Variants in TFDP2 observed in about 807,000 individuals in gnomAD.
The protein encoded by TFDP2 is transcription factor Dp-2 (E2F dimerization partner 2).
TFDP2 carries 17 observed loss-of-function variants against 59.3 expected under a neutral mutation model. The ratio of observed to expected loss-of-function variants is 0.29; its 90% CI spans 0.20 to 0.43. The LOEUF is 0.43. Among genes scored for constraint, TFDP2 ranks in the 20% least tolerant of loss-of-function variants. The pLI is 1.00. For missense variants in TFDP2, 391 were observed against 528.8 expected (o/e 0.74, Z 2.56); for synonymous variants, 180 against 194.7 (o/e 0.92, Z 0.63).
chr3:141,977,268 A>T (rs1038043275), intron 7 of TFDP2, among the ~76,000 whole-genome samples: 13 of 143,958 alleles, frequency 9.0e-5, no homozygotes, highest in African/African-American at 2.9e-4. Context: ...TCGCTAATTT[A>T]AAAAAAAAAA....
intron 3 of TFDP2, among the ~76,000 whole-genome samples, chr3:142,071,120 A>C (rs538675374): frequency 6.6e-6 from 1 of 152,274 alleles, no homozygotes; most frequent in East Asian, 1.9e-4. Flanking sequence ...GGTGTCTGGG[A>C]TAAGAGTACA....
chr3:142,106,278 G>A (rs1576997228), intron 1 of TFDP2, among the ~76,000 whole-genome samples: 1 of 152,078 alleles, frequency 6.6e-6, no homozygotes, highest in Admixed American at 6.6e-5. Context: ...ACGTTCAAAT[G>A]TAATTTTAAA....
Position 142,087,649 on chromosome 3 carries a change from C to T in TFDP2, c.82+5412G>A, listed in dbSNP as rs144296861. Reference sequence around the variant, plus strand: ...CAGAGAAGCTGGGACTACAGGTACACGCCACCATACCAGCTAATTTTTTTG... The same window carrying T: ...CAGAGAAGCTGGGACTACAGGTACATGCCACCATACCAGCTAATTTTTTTG... On this transcript the variant is annotated intron_variant, in intron 3 of 12. Coordinates refer to ENST00000489671, the MANE Select transcript of TFDP2 (RefSeq NM_001178139.2). Among the ~76,000 whole-genome samples the T allele has an allele frequency of 2.6e-3, 401 of 152,018 alleles. 2 individuals are homozygous for T. Among genetic ancestry groups the T allele is most frequent in the African/African-American group, 9.4e-3 (388 of 41,496 alleles).
intron 1 of TFDP2, among the ~76,000 whole-genome samples, chr3:142,105,878 TAAGA>T (rs895500597): frequency 2.6e-5 from 4 of 152,154 alleles, no homozygotes; most frequent in Middle Eastern, 3.2e-3. Context: ...TCTAAAATAG[TAAGA>T]GTCAGCCACT....
At chr3:142,117,839 G>A (rs549430202) in intron 1 of TFDP2, among the ~76,000 whole-genome samples, 2 of 152,324 alleles carry the variant, frequency 1.3e-5, no homozygotes, top group South Asian at 4.1e-4. Flanking sequence ...GCTCACGCCT[G>A]TAATCCCAGC....
At chr3:142,020,534 C>CG (rs1251706561) in intron 3 of TFDP2, among the ~76,000 whole-genome samples, 19 of 150,220 alleles carry the variant, frequency 1.3e-4, no homozygotes, top group East Asian at 1.9e-4. Flanking sequence ...GACTCCGTCT[C>CG]GGGGGGGAAA....
intron 3 of TFDP2, among the ~76,000 whole-genome samples, chr3:142,069,396 T>A (rs1206259042): frequency 1.3e-5 from 2 of 152,228 alleles, no homozygotes; most frequent in African/African-American, 4.8e-5. Flanking sequence ...ACTGTAAAGA[T>A]TAACTTTTAT....
intron 1 of TFDP2, among the ~76,000 whole-genome samples, chr3:142,135,551 C>T (rs2062694229): frequency 6.6e-6 from 1 of 151,976 alleles, no homozygotes; most frequent in African/African-American, 2.4e-5. Context: ...GCTATCCCTC[C>T]CCCAGCCTCC....
intron 3 of TFDP2, among the ~76,000 whole-genome samples, chr3:142,049,374 C>T (rs191273024): frequency 6.6e-6 from 1 of 152,158 alleles, no homozygotes; most frequent in Non-Finnish European, 1.5e-5. Context: ...ACTACACTAT[C>T]ATCTTCAATA....
chr3:142,015,455 CT>C (rs1945057562), intron 3 of TFDP2, among the ~76,000 whole-genome samples: 1 of 152,200 alleles, frequency 6.6e-6, no homozygotes, highest in Non-Finnish European at 1.5e-5. Context: ...AAACTCTATT[CT>C]TCAACTGCTC....
chr3:142,048,361 C>T (rs1406676283), intron 3 of TFDP2, among the ~76,000 whole-genome samples: 3 of 150,088 alleles, frequency 2.0e-5, no homozygotes, highest in African/African-American at 4.9e-5. Flanking sequence ...TGCAGTGAGC[C>T]GAATTTATAC....
chr3:142,116,153 C>T (rs1432585384), intron 1 of TFDP2, among the ~76,000 whole-genome samples: 1 of 151,766 alleles, frequency 6.6e-6, no homozygotes, highest in Admixed American at 6.6e-5. Flanking sequence ...CAACTTCAAA[C>T]TCCTGGGCTC....
chr3:141,959,549 G>C (rs1163765647), intron 11 of TFDP2, 125 bp downstream of exon 11: 11 of 1,007,140 alleles, frequency 1.1e-5, no homozygotes, highest in Non-Finnish European at 1.5e-5. Context: ...AAGTGTTAAA[G>C]GTTTCAGTTT....
At chr3:142,081,592 T>G (rs549954969) in intron 3 of TFDP2, among the ~76,000 whole-genome samples, 1 of 151,696 alleles carries the variant, frequency 6.6e-6, no homozygotes, top group Non-Finnish European at 1.5e-5. Context: ...TTAGTCAGAC[T>G]AAGAAAAAAA....
At chr3:141,977,375 C>T (rs1459686512) in intron 7 of TFDP2, among the ~76,000 whole-genome samples, 1 of 143,150 alleles carries the variant, frequency 7.0e-6, no homozygotes, top group Non-Finnish European at 1.5e-5. Flanking sequence ...AGTTCAAAAT[C>T]AGCCTGGGCA....
chr3:141,966,653 T>A (rs767811041), intron 9 of TFDP2, among the ~76,000 whole-genome samples: 10 of 151,756 alleles, frequency 6.6e-5, no homozygotes, highest in Non-Finnish European at 1.2e-4. Context: ...CTGAACAGCT[T>A]TAAGTGTGTT....
chr3:142,083,342 A>G (rs1389309363), intron 3 of TFDP2, among the ~76,000 whole-genome samples: 1 of 152,198 alleles, frequency 6.6e-6, no homozygotes, highest in Admixed American at 6.5e-5. Flanking sequence ...AATACTGATG[A>G]AAGAAATTAA....
chr3:142,127,931 T>C (rs1159078141), intron 1 of TFDP2, among the ~76,000 whole-genome samples: 1 of 152,104 alleles, frequency 6.6e-6, no homozygotes, highest in African/African-American at 2.4e-5. Context: ...CTGAGCCCAG[T>C]GGCTCACACT....
intron 8 of TFDP2, 91 bp downstream of exon 8, chr3:141,973,957 A>C: frequency 2.1e-6 from 3 of 1,419,906 alleles, no homozygotes; most frequent in South Asian, 1.4e-5. Flanking sequence ...AAAATTGGAA[A>C]TATTTTATAT....
Sources: allele counts gnomAD v4.1 joint callset (sites outside exome capture counted in the v4.1 genomes callset), GRCh38; gene constraint gnomAD v4.1.1; transcripts MANE v1.5; gene names NCBI Gene and HGNC (gene_info 2026-07-23, HGNC 2026-07-21).